Variants in KIF26B observed in about 807,000 individuals in gnomAD.
KIF26B encodes the protein kinesin-like protein KIF26B.
Under a neutral mutation model 151.2 loss-of-function variants are expected in KIF26B, and 63 were observed. That is an observed-to-expected ratio of 0.42 (90% CI 0.34 to 0.51). The LOEUF (loss-of-function observed/expected upper bound fraction) is 0.51, where lower values mean the gene tolerates loss of function less well. Among genes scored for constraint, KIF26B ranks in the 20% least tolerant of loss-of-function variants. KIF26B has a pLI of 0.07. For missense variants in KIF26B, 2,813 were observed against 2,913.6 expected (o/e 0.97, Z 0.79); for synonymous variants, 1,357 against 1,262.1 (o/e 1.08, Z -1.59).
Position 245,540,706 on chromosome 1 carries a change from T to C in KIF26B, c.1167-61T>C, listed in dbSNP as rs941674149. On this transcript the variant is annotated intron_variant, in intron 4 of 14. Transcript: ENST00000407071. The surrounding 1 kb of genome is among the most constrained non-coding windows in gnomAD (Gnocchi z 4.6). ...AGGGGTTGTTTAAGAGAAAACGAAGTAAGCCTAGCAGATCTGATCGTACAA... is the reference window on the plus strand; with the variant it reads ...AGGGGTTGTTTAAGAGAAAACGAAGCAAGCCTAGCAGATCTGATCGTACAA... 44 of 1,462,508 alleles carry C rather than the reference T, an allele frequency of 3.0e-5. No individual in the cohort carries two copies. Among genetic ancestry groups the C allele is most frequent in the Non-Finnish European group, 4.2e-5 (44 of 1,041,906 alleles). 90.6% of individuals were successfully genotyped at this position (1,462,508 alleles called of 1,614,324 possible).
intron 2 of KIF26B, among the ~76,000 whole-genome samples, chr1:245,366,283 A>C (rs966491501): frequency 3.3e-5 from 5 of 152,218 alleles, no homozygotes; most frequent in Non-Finnish European, 7.3e-5. Flanking sequence ...CTGTAATCCC[A>C]GCACTTTGGG....
At chr1:245,456,980 C>G (rs901080498) in intron 4 of KIF26B, among the ~76,000 whole-genome samples, 4 of 152,214 alleles carry the variant, frequency 2.6e-5, no homozygotes, top group Non-Finnish European at 5.9e-5. Flanking sequence ...ATTCTCCTGC[C>G]TCAGCCTCCT....
At chr1:245,235,253 G>C (rs188931167) in intron 2 of KIF26B, among the ~76,000 whole-genome samples, 184 of 152,260 alleles carry the variant, frequency 1.2e-3, no homozygotes, top group Non-Finnish European at 1.7e-3. Flanking sequence ...GTCATTCAAA[G>C]TGAACATTTG....
intron 2 of KIF26B, among the ~76,000 whole-genome samples, chr1:245,258,717 A>T (rs905443447): frequency 6.6e-6 from 1 of 152,032 alleles, no homozygotes; most frequent in African/African-American, 2.4e-5. Flanking sequence ...AAGGATAACC[A>T]TAGCAAGGCA....
intron 2 of KIF26B, among the ~76,000 whole-genome samples, chr1:245,214,583 A>G (rs1669605238): frequency 6.6e-6 from 1 of 152,062 alleles, no homozygotes; most frequent in African/African-American, 2.4e-5. Context: ...CTAAAATGGG[A>G]TAGTACAGGA....
intron 4 of KIF26B, among the ~76,000 whole-genome samples, chr1:245,424,229 C>T (rs542021989): frequency 3.3e-5 from 5 of 152,122 alleles, no homozygotes; most frequent in South Asian, 2.1e-4. Context: ...GATCTCCGCT[C>T]GCTGCAACCT....
chr1:245,167,898 C>T lies in KIF26B; in HGVS notation c.465+11215C>T, dbSNP rs1668640663. ...GGAGGAGGACGGATGAGAGAGAGGG[C>T]GAGGAAACAAAGAAATGGGTGGTAT... On this transcript the variant is annotated intron_variant, in intron 2 of 14. Transcript: ENST00000407071. This position sits in a 1 kb window ranked among gnomAD's most constrained non-coding sequence, Gnocchi z 4.2. Among the ~76,000 whole-genome samples the T allele has an allele frequency of 1.3e-5, 2 of 151,676 alleles. No homozygotes were observed. Among genetic ancestry groups the T allele is most frequent in the South Asian group, 2.1e-4 (1 of 4,792 alleles).
In KIF26B at chr1:245,239,824, T is replaced by C. The variant is rs1468890526; in HGVS notation, c.465+83141T>C. On this transcript the variant is annotated intron_variant, in intron 2 of 14. Transcript: ENST00000407071. This position sits in a 1 kb window ranked among gnomAD's most constrained non-coding sequence, Gnocchi z 4.3. Reference sequence around the variant, plus strand: ...TAAAATGATTTTCTGAATGTTTTAGTGTTTTTCCTTCCAAAAGTTGTCTTT... The same window carrying C: ...TAAAATGATTTTCTGAATGTTTTAGCGTTTTTCCTTCCAAAAGTTGTCTTT... Among the ~76,000 whole-genome samples the C allele has an allele frequency of 1.3e-5, 2 of 152,130 alleles. No individual in the cohort carries two copies. Among genetic ancestry groups the C allele is most frequent in the African/African-American group, 4.8e-5 (2 of 41,436 alleles).
At chr1:245,300,534 CTT>C (rs199923880) in intron 2 of KIF26B, among the ~76,000 whole-genome samples, 4 of 144,698 alleles carry the variant, frequency 2.8e-5, no homozygotes, top group Non-Finnish European at 3.0e-5. Flanking sequence ...TTTCTTTTTT[CTT>C]TTTTTTTTTT....
intron 2 of KIF26B, among the ~76,000 whole-genome samples, chr1:245,327,618 C>T (rs1672016419): frequency 6.6e-6 from 1 of 152,120 alleles, no homozygotes; most frequent in South Asian, 2.1e-4. Flanking sequence ...TATGACAATT[C>T]CCATGTATTG....
chr1:245,191,809 A>G (rs753061227), intron 2 of KIF26B, among the ~76,000 whole-genome samples: 2 of 152,248 alleles, frequency 1.3e-5, no homozygotes, highest in African/African-American at 2.4e-5. Flanking sequence ...AAAAGGGGAA[A>G]CAAACACACA....
chr1:245,304,116 C>T (rs546325367), intron 2 of KIF26B, among the ~76,000 whole-genome samples: 4 of 152,080 alleles, frequency 2.6e-5, no homozygotes, highest in African/African-American at 9.7e-5. Flanking sequence ...AGCCACAGAC[C>T]CAGGGGGCAC....
intron 4 of KIF26B, among the ~76,000 whole-genome samples, chr1:245,444,409 A>AGCG (rs1659201846): frequency 2.6e-5 from 4 of 152,312 alleles, no homozygotes; most frequent in Middle Eastern, 6.8e-3. Context: ...TGGGCTAAGC[A>AGCG]GCAGCGTGGC....
intron 4 of KIF26B, among the ~76,000 whole-genome samples, chr1:245,522,541 G>T (rs1048385746): frequency 3.3e-5 from 5 of 152,168 alleles, no homozygotes; most frequent in Admixed American, 1.3e-4. Flanking sequence ...CAGACACATG[G>T]TTGACATAAG....
intron 10 of KIF26B, among the ~76,000 whole-genome samples, chr1:245,671,343 T>A (rs1483664651): frequency 6.6e-6 from 1 of 152,232 alleles, no homozygotes; most frequent in African/African-American, 2.4e-5. Context: ...AACACGGATG[T>A]ACCTTGCAAG....
chr1:245,255,796 G>C (rs115126158), intron 2 of KIF26B, among the ~76,000 whole-genome samples: 2,061 of 152,216 alleles, frequency 0.014, 38 homozygotes, highest in African/African-American at 0.037. Flanking sequence ...CATGGAAATT[G>C]TTTTTTTCCC....
intron 2 of KIF26B, among the ~76,000 whole-genome samples, chr1:245,255,733 GTATATTA>G (rs1670520224): frequency 6.6e-6 from 1 of 152,176 alleles, no homozygotes; most frequent in Non-Finnish European, 1.5e-5. Context: ...GAAGGCAGCA[GTATATTA>G]TAGATGCAAA....
intron 2 of KIF26B, among the ~76,000 whole-genome samples, chr1:245,238,627 G>C (rs536292620): frequency 6.6e-6 from 1 of 152,156 alleles, no homozygotes; most frequent in South Asian, 2.1e-4. Context: ...TTGGGAGGCA[G>C]AGACGGGTGG....
rs1381349012 is a variant in KIF26B at position 245,560,021 on chromosome 1, A to G, written c.1350+19071A>G. Among the ~76,000 whole-genome samples, 3 of 151,580 alleles carry G rather than the reference A, an allele frequency of 2.0e-5. No homozygotes were observed. Among genetic ancestry groups the G allele is most frequent in the African/African-American group, 7.3e-5 (3 of 41,200 alleles). Reference sequence around the variant, plus strand: ...TCTCTGCCAGGGATGCTCGTCTCTCATTCGTTTTTTTGGCGTGGAAACACG... The same window carrying G: ...TCTCTGCCAGGGATGCTCGTCTCTCGTTCGTTTTTTTGGCGTGGAAACACG... On this transcript the variant is annotated intron_variant, in intron 5 of 14. Transcript: ENST00000407071. This position sits in a 1 kb window ranked among gnomAD's most constrained non-coding sequence, Gnocchi z 4.3.
Sources: gnomAD v4.1 joint callset for allele counts (sites outside exome capture counted in the v4.1 genomes callset) on GRCh38, gnomAD v4.1.1 for gene constraint, Gnocchi (gnomAD v3.1) non-coding constraint, MANE v1.5 for transcripts, NCBI Gene and HGNC (gene_info 2026-07-23, HGNC 2026-07-21) for gene names.